The following SFMBT1 variants were observed in gnomAD, a reference collection of about 807,000 sequenced individuals.
SFMBT1 encodes the protein scm-like with four MBT domains protein 1.
In SFMBT1, 32 loss-of-function variants were observed where a neutral mutation model predicts 108.7. That is an observed-to-expected ratio of 0.29 (90% CI 0.22 to 0.40). The LOEUF (loss-of-function observed/expected upper bound fraction) is 0.40. SFMBT1 is among the 10% of genes least tolerant of loss of function. The pLI, the probability that SFMBT1 is intolerant of heterozygous loss-of-function variation, is 1.00. For missense variants in SFMBT1, 816 were observed against 1,059.6 expected, an observed-to-expected ratio of 0.77 and a Z score of 3.19; for synonymous variants, 348 against 369.5, an observed-to-expected ratio of 0.94 and a Z score of 0.67.
chr3:53,013,187 A>C (rs949435697), intron 1 of SFMBT1, among the ~76,000 whole-genome samples: 1 of 151,736 alleles, frequency 6.6e-6, no homozygotes, highest in Admixed American at 6.5e-5. Context: ...CAATATTTCC[A>C]GTGATGGGCT....
chr3:53,031,237 C>T (rs556206102), intron 1 of SFMBT1, among the ~76,000 whole-genome samples: 19 of 152,186 alleles, frequency 1.2e-4, no homozygotes, highest in South Asian at 2.1e-4. Context: ...CATGCACCTG[C>T]GAATAACAAC....
intron 1 of SFMBT1, among the ~76,000 whole-genome samples, chr3:52,997,467 C>T (rs2564960): frequency 0.3 from 44,367 of 147,692 alleles, 9,259 homozygotes; most frequent in East Asian, 0.52. Context: ...ACCCAGAAGG[C>T]GGAGCTTGTA....
chr3:52,943,415 T>C lies in SFMBT1; in HGVS notation c.302A>G (p.Lys101Arg), dbSNP rs79656631. 703 of 1,614,236 alleles carry C rather than the reference T, an allele frequency of 4.4e-4. No homozygotes were observed. The highest frequency in any genetic ancestry group is 5.0e-4 in the Non-Finnish European group (590 of 1,180,034). The change falls in exon 4 of 21, where the codon AAG becomes AGG. Residue 101 changes from lysine (K) to arginine (R), a missense_variant. Physicochemically the swap from Lys to Arg is conservative, Grantham distance 26. Around this residue, in one of 5 missense-constraint regions of SFMBT1, gnomAD observed 495 missense variants for 607.4 expected, o/e 0.81. Coordinates refer to ENST00000394752, the MANE Select transcript of SFMBT1 (RefSeq NM_016329.4). Reference sequence around the variant, plus strand: ...CCACCCAATGGGGTAGAGATCAGCCTTCCTGATGTCACACCAGAAATCTGC... The same window carrying C: ...CCACCCAATGGGGTAGAGATCAGCCCTCCTGATGTCACACCAGAAATCTGC... ...RRADFWCDIR[K>R]ADLYPIGWCE...
chr3:52,907,907 GAT>G, intron 17 of SFMBT1, among the ~76,000 whole-genome samples, 174 bp from the exon 18 acceptor site: 1 of 152,048 alleles, frequency 6.6e-6, no homozygotes. Context: ...AGTACTGAAT[GAT>G]CCCTCCATAT....
intron 1 of SFMBT1, among the ~76,000 whole-genome samples, chr3:52,999,709 G>T (rs941679648): frequency 2.0e-5 from 3 of 149,816 alleles, no homozygotes. Flanking sequence ...AGCAGGGTGA[G>T]CCCCCACTCA....
rs753170354 is a variant in SFMBT1, at chr3:52,911,061, T to C, written c.1848A>G (p.Pro616=). The change falls in exon 17 of 21, where the codon CCA becomes CCG. Residue 616 remains proline, a synonymous_variant. Coordinates refer to ENST00000394752, the MANE Select transcript of SFMBT1 (RefSeq NM_016329.4). Reference sequence around the variant, plus strand: ...CAGAACACTTATCCAGAACCATCCGTGGACCGAAGAGGTTAGGACAGCATT... The same window carrying C: ...CAGAACACTTATCCAGAACCATCCGCGGACCGAAGAGGTTAGGACAGCATT... ...KLECCPNLFG[P]RMVLDKCSEN... 6.2e-7 allele frequency: 1 copy of C among 1,614,224 alleles called. No individual in the cohort carries two copies. Among genetic ancestry groups the C allele is most frequent in the South Asian group, 1.1e-5 (1 of 91,084 alleles).
intron 8 of SFMBT1, among the ~76,000 whole-genome samples, chr3:52,928,657 C>T (rs13082023): frequency 0.044 from 1,611 of 36,382 alleles, 64 homozygotes; most frequent in African/African-American, 0.11. Context: ...TATATATACA[C>T]ATATATACAT....
At chr3:52,945,859 T>C (rs1284300915) in intron 3 of SFMBT1, among the ~76,000 whole-genome samples, 2 of 151,206 alleles carry the variant, frequency 1.3e-5, no homozygotes, top group Non-Finnish European at 2.9e-5. Context: ...GCAAGAATTA[T>C]TGATGGACTC....
intron 2 of SFMBT1, among the ~76,000 whole-genome samples, chr3:52,966,749 A>AAATATAAT (rs1438244740): frequency 1.3e-5 from 2 of 151,802 alleles, no homozygotes; most frequent in African/African-American, 4.8e-5. Context: ...AAATACTGAA[A>AAATATAAT]AATATAATAA....
intron 1 of SFMBT1, among the ~76,000 whole-genome samples, chr3:53,036,005 TTGGCAAGGTTCATCAC>T (rs1375715402): frequency 6.6e-6 from 1 of 152,262 alleles, no homozygotes; most frequent in East Asian, 1.9e-4. Flanking sequence ...TTCCTTTTCC[TTGGCAAGGTTCATCAC>T]TGGCACTAGT....
chr3:52,985,074 A>C (rs1704859135), intron 1 of SFMBT1, among the ~76,000 whole-genome samples: 1 of 152,188 alleles, frequency 6.6e-6, no homozygotes. Flanking sequence ...ATATGATTAC[A>C]TTTTCATCAA....
At position 52,999,494 on chromosome 3, in the gene SFMBT1, C is replaced by T. The variant is rs1176505399; in HGVS notation, c.-130-30236G>A. 4.0e-5 allele frequency among the ~76,000 whole-genome samples: 6 copies of T among 150,298 alleles called. 1 individual carries two copies. Among genetic ancestry groups the T allele is most frequent in the Admixed American group, 2.0e-4 (3 of 14,960 alleles). On this transcript the variant is annotated intron_variant, in intron 1 of 20. Transcript: ENST00000394752. ...GGGGTAGTCAAGGAGCTCGGGACAT[C>T]GCAGGGGAGGCAAAAAGCCTTGGCC...
chr3:52,912,931 T>C (rs1209366449), intron 15 of SFMBT1, among the ~76,000 whole-genome samples: 1 of 152,190 alleles, frequency 6.6e-6, no homozygotes, highest in Admixed American at 6.5e-5. Flanking sequence ...TTCCAAATGC[T>C]TTCCCAGCCA....
At chr3:52,954,921 C>A (rs1313072731) in intron 2 of SFMBT1, among the ~76,000 whole-genome samples, 1 of 151,840 alleles carries the variant, frequency 6.6e-6, no homozygotes, top group Non-Finnish European at 1.5e-5. Context: ...TATATCCAAT[C>A]CATAGAAGAA....
At chr3:52,954,204 T>C (rs1703699282) in intron 3 of SFMBT1, 113 bp downstream of exon 3, 3 of 798,662 alleles carry the variant, frequency 3.8e-6, no homozygotes, top group Non-Finnish European at 6.1e-6. Flanking sequence ...GAAAAAGCTC[T>C]TAAATTACTT....
At chr3:52,992,141 A>T (rs563069364) in intron 1 of SFMBT1, among the ~76,000 whole-genome samples, 3 of 152,314 alleles carry the variant, frequency 2.0e-5, no homozygotes, top group African/African-American at 7.2e-5. Context: ...GCCCACTCAG[A>T]ATGAGTCTGT....
At chr3:52,978,210 G>C (rs1704584616) in intron 1 of SFMBT1, among the ~76,000 whole-genome samples, 2 of 152,054 alleles carry the variant, frequency 1.3e-5, no homozygotes, top group Non-Finnish European at 2.9e-5. Flanking sequence ...TATGGACAAA[G>C]ACTTGAGGGA....
At chr3:52,980,115 T>G (rs1276059491) in intron 1 of SFMBT1, among the ~76,000 whole-genome samples, 1 of 152,088 alleles carries the variant, frequency 6.6e-6, no homozygotes, top group Non-Finnish European at 1.5e-5. Context: ...TATACAAATC[T>G]ATTATTAAAA....
intron 2 of SFMBT1, among the ~76,000 whole-genome samples, chr3:52,964,562 A>G (rs1704069193): frequency 6.6e-6 from 1 of 152,202 alleles, no homozygotes; most frequent in Non-Finnish European, 1.5e-5. Flanking sequence ...CTATGTCTGT[A>G]AGTAAGGCCT....
Sources: gnomAD v4.1 joint callset for allele counts (sites outside exome capture counted in the v4.1 genomes callset) on GRCh38, gnomAD v4.1.1 for gene constraint, gnomAD v4.1.1 regional missense constraint, MANE v1.5 for transcripts, NCBI Gene and HGNC (gene_info 2026-07-23, HGNC 2026-07-21) for gene names.